AQP11: variants seen among roughly 807,000 people sequenced by gnomAD.
The protein encoded by AQP11 is aquaporin 11, also known as aquaporin-11.
In AQP11, 20 loss-of-function variants were observed where a neutral mutation model predicts 21.1. The ratio of observed to expected loss-of-function variants is 0.95; its 90% confidence interval spans 0.67 to 1.38. AQP11 has a LOEUF of 1.38. Among genes scored for constraint, AQP11 ranks in the 40% most tolerant of loss-of-function variants. The probability of loss-of-function intolerance (pLI) is 0.00; values close to 1 mark genes in which losing one functional copy is unlikely to be tolerated. For synonymous variants in AQP11, 167 were observed against 150.1 expected, an observed-to-expected ratio of 1.11 and a Z score of -0.82; for missense variants, 339 against 340.4, an observed-to-expected ratio of 1.00 and a Z score of 0.03.
At chr11:77,593,195 A>G (rs925436759) in intron 1 of AQP11, among the ~76,000 whole-genome samples, 1 of 152,228 alleles carries the variant, frequency 6.6e-6, no homozygotes, top group Non-Finnish European at 1.5e-5. Flanking sequence ...GTTGATTACT[A>G]TTAGTTACAG....
At chr11:77,597,482 G>A (rs1413693597) in intron 1 of AQP11, among the ~76,000 whole-genome samples, 1 of 152,148 alleles carries the variant, frequency 6.6e-6, no homozygotes. Flanking sequence ...TGAGGCATGA[G>A]AATCGCTTGA....
intron 2 of AQP11, among the ~76,000 whole-genome samples, chr11:77,606,339 T>C (rs76865178): frequency 1.3e-5 from 2 of 152,036 alleles, no homozygotes; most frequent in African/African-American, 4.8e-5. Flanking sequence ...AGCCTCACGA[T>C]AGATAAAAAA....
chr11:77,603,964 T>A (rs764103328), intron 2 of AQP11, among the ~76,000 whole-genome samples: 1 of 152,134 alleles, frequency 6.6e-6, no homozygotes, highest in Admixed American at 6.6e-5. Context: ...CTAAAGAAAT[T>A]TGTTTTTTCA....
chr11:77,601,344 CT>C lies in AQP11; in HGVS notation c.620-2190del, dbSNP rs36104720. 8.0e-3 allele frequency among the ~76,000 whole-genome samples: 1,029 copies of C among 129,382 alleles called. 3 individuals are homozygous for C. The highest frequency in any genetic ancestry group is 0.026 in the African/African-American group (855 of 33,014). The allele number at this position is 129,382 out of a possible 152,430, so 84.9% of individuals were successfully genotyped here. On this transcript the variant is annotated intron_variant, in intron 1 of 2. Transcript: ENST00000313578. Reference sequence around the variant, plus strand: ...TTGCTGTGTAACACACCATTCAAAACTTTTTTTTTTTTTTTTTTTTTTGAGA... The same window carrying C: ...TTGCTGTGTAACACACCATTCAAAACTTTTTTTTTTTTTTTTTTTTTGAGA...
At chr11:77,599,893 C>G (rs887428958) in intron 1 of AQP11, among the ~76,000 whole-genome samples, 1 of 151,864 alleles carries the variant, frequency 6.6e-6, no homozygotes, top group African/African-American at 2.4e-5. Context: ...GGCCCAAACT[C>G]TTTTCATGTG....
chr11:77,600,872 C>T (rs1399473859), intron 1 of AQP11, among the ~76,000 whole-genome samples: 2 of 151,972 alleles, frequency 1.3e-5, no homozygotes, highest in Non-Finnish European at 2.9e-5. Flanking sequence ...ATTAGCCGGG[C>T]GTGGTGGCGG....
intron 1 of AQP11, among the ~76,000 whole-genome samples, chr11:77,594,399 C>T (rs1028937605): frequency 3.3e-5 from 5 of 152,120 alleles, no homozygotes; most frequent in Non-Finnish European, 7.4e-5. Flanking sequence ...TTCAAACTTA[C>T]GAGATCCTCT....
At position 77,590,538 on chromosome 11, in the gene AQP11, G is replaced by C; in HGVS notation, c.546G>C (p.Leu182=). ...VCSFLFHSAL[L]HFQEVRTKLR... The stretch of plus-strand genomic sequence containing the variant: ...CCTTTCTCTTCCACAGCGCTCTGCT[G>C]CACTTCCAGGAAGTCCGAACCAAGC... Residue 182 remains leucine (L), a synonymous_variant, in exon 1 of 3, where the codon CTG becomes CTC. Coordinates refer to ENST00000313578, the MANE Select transcript of AQP11 (RefSeq NM_173039.3). 1 of 1,614,196 alleles carries C rather than the reference G, an allele frequency of 6.2e-7. No homozygotes were observed. The highest frequency in any genetic ancestry group is 8.5e-7 in the Non-Finnish European group (1 of 1,180,048).
rs533797687 is a variant in AQP11, at chr11:77,592,096, A to C, written c.619+1485A>C. ...GCCTGGGCAACATAAGAGAAATCCC[A>C]TCTCTCCAAAAAATACAAAAATTAG... On this transcript the variant is annotated intron_variant, in intron 1 of 2. Transcript: ENST00000313578. 4.6e-5 allele frequency among the ~76,000 whole-genome samples: 7 copies of C among 152,148 alleles called. No individual in the cohort carries two copies. The East Asian group carries it at 1.4e-3, about 29-fold the overall frequency.
intron 2 of AQP11, among the ~76,000 whole-genome samples, chr11:77,608,775 T>C (rs1334069231): frequency 1.3e-5 from 2 of 152,148 alleles, no homozygotes; most frequent in African/African-American, 2.4e-5. Context: ...CTGTTAATAG[T>C]TGAGATTAAT....
intron 1 of AQP11, among the ~76,000 whole-genome samples, chr11:77,596,537 A>AATATATATGTATATATATAT (rs1958783041): frequency 1.2e-5 from 1 of 86,576 alleles, no homozygotes; most frequent in Non-Finnish European, 2.3e-5. Context: ...TATATATGTA[A>AATATATATGTATATATATAT]ATATATATAT....
rs777008875 is a variant in AQP11, at chr11:77,590,363, A to G, written c.371A>G (p.Gln124Arg). The change falls in exon 1 of 3, where the codon CAG becomes CGG. Residue 124 changes from glutamine to arginine, a missense_variant. Gln to Arg is a conservative substitution (Grantham distance 43, BLOSUM62 1). Transcript: ENST00000313578. Reference protein sequence around the residue: ...PETGAVRLLAQLVSALCSRYC... With the variant: ...PETGAVRLLARLVSALCSRYC... ...ACGGGTGCGGTGAGGCTATTGGCTC[A>G]GCTGGTTAGTGCCCTGTGCAGCAGG... 6.2e-7 allele frequency: 1 copy of G among 1,612,982 alleles called. No individual in the cohort carries two copies. Among genetic ancestry groups the G allele is most frequent in the South Asian group, 1.1e-5 (1 of 91,040 alleles).
rs189850041 is a variant in AQP11, at chr11:77,600,999, G to A, written c.620-2557G>A. Among the ~76,000 whole-genome samples the A allele has an allele frequency of 8.0e-5, 12 of 149,246 alleles. No homozygotes were observed. The East Asian group carries it at 2.2e-3, about 27-fold the overall frequency. On this transcript the variant is annotated intron_variant, in intron 1 of 2. Transcript: ENST00000313578. Reference sequence around the variant, plus strand: ...TGCACTCCAGCCTGGGCGACAGAGCGAGACTCCGTCTCAAAAAAAAAAAAA... The same window carrying A: ...TGCACTCCAGCCTGGGCGACAGAGCAAGACTCCGTCTCAAAAAAAAAAAAA...
chr11:77,606,110 T>C (rs1043113990), intron 2 of AQP11, among the ~76,000 whole-genome samples: 3 of 146,632 alleles, frequency 2.0e-5, no homozygotes, highest in Admixed American at 1.4e-4. Flanking sequence ...GAGGCTGAGA[T>C]AGAACTGCTT....
intron 1 of AQP11, among the ~76,000 whole-genome samples, chr11:77,593,374 G>A (rs969047893): frequency 1.3e-5 from 2 of 152,120 alleles, no homozygotes; most frequent in Admixed American, 1.3e-4. Flanking sequence ...GGTGGCTCAC[G>A]CCTGTAATCC....
rs879304990 is a variant in AQP11 at position 77,607,763 on chromosome 11, C to CAA, written c.737-1519_737-1518dup. On this transcript the variant is annotated intron_variant, in intron 2 of 2. Coordinates refer to ENST00000313578, the MANE Select transcript of AQP11 (RefSeq NM_173039.3). ...GAGTGATGGGAGTGTGACCCTGTCT[C>CAA]AAAAAAAAAAAAAAAAAGTATATAG... Among the ~76,000 whole-genome samples the CAA allele has an allele frequency of 9.9e-3, 737 of 74,286 alleles. 12 individuals carry two copies. The highest frequency in any genetic ancestry group is 0.034 in the African/African-American group (695 of 20,506). The allele number at this position is 74,286 out of a possible 152,430, so 48.7% of individuals were successfully genotyped here.
At position 77,595,124 on chromosome 11, in the gene AQP11, C is replaced by T. The variant is rs575702108; in HGVS notation, c.619+4513C>T. ...TGGGAGGCCGAAGTGGGTGGATCACCTGAGGTCAGGAGTTTGAGACCAGCC... is the reference window on the plus strand; with the variant it reads ...TGGGAGGCCGAAGTGGGTGGATCACTTGAGGTCAGGAGTTTGAGACCAGCC... On this transcript the variant is annotated intron_variant, in intron 1 of 2. Transcript: ENST00000313578. Among the ~76,000 whole-genome samples, 14 of 152,194 alleles carry T rather than the reference C, an allele frequency of 9.2e-5. No homozygotes were observed. In the South Asian group the frequency reaches 2.9e-3, roughly 32 times the overall value.
intron 1 of AQP11, chr11:77,591,418 T>C (rs1275181899): frequency 5.9e-6 from 4 of 674,546 alleles, no homozygotes; most frequent in Non-Finnish European, 5.5e-6. Context: ...AATATCTTTA[T>C]TGGGACTACA....
Position 77,603,679 on chromosome 11 carries a change from G to A in AQP11, c.736+7G>A, listed in dbSNP as rs375564127. 189 of 1,541,182 alleles carry A rather than the reference G, an allele frequency of 1.2e-4. No individual in the cohort carries two copies. Among genetic ancestry groups the A allele is most frequent in the Middle Eastern group, 1.7e-4 (1 of 5,890 alleles). On this transcript the variant is annotated splice_region_variant and intron_variant, in intron 2 of 2. Transcript: ENST00000313578. The stretch of plus-strand genomic sequence containing the variant: ...TGGCTGGCTCCTTCTTTAGGTAAGC[G>A]TATTTTTATTTAATATGTCTGAAAG...
Sources: gnomAD v4.1 joint callset for allele counts (sites outside exome capture counted in the v4.1 genomes callset) on GRCh38, gnomAD v4.1.1 for gene constraint, MANE v1.5 for transcripts, NCBI Gene and HGNC (gene_info 2026-07-23, HGNC 2026-07-21) for gene names.